The following DPP10 variants were observed in gnomAD, a reference collection of about 807,000 sequenced individuals.
The protein encoded by DPP10 is dipeptidyl peptidase like 10.
In DPP10, 33 loss-of-function variants were observed where a neutral mutation model predicts 120.9. That is an observed-to-expected ratio of 0.27 (90% CI 0.21 to 0.37). The LOEUF (loss-of-function observed/expected upper bound fraction) is 0.37, where lower values mean the gene tolerates loss of function less well. Among genes scored for constraint, DPP10 ranks in the 10% least tolerant of loss-of-function variants. DPP10 has a pLI of 1.00. For synonymous variants in DPP10, 337 were observed against 326.1 expected, an observed-to-expected ratio of 1.03 and a Z score of -0.36; for missense variants, 816 against 942.8, an observed-to-expected ratio of 0.87 and a Z score of 1.76.
intron 1 of DPP10, among the ~76,000 whole-genome samples, chr2:115,195,229 GTGA>G (rs1398904236): frequency 1.3e-5 from 2 of 152,170 alleles, no homozygotes; most frequent in Non-Finnish European, 2.9e-5. Flanking sequence ...TTAAGATCAT[GTGA>G]TCTTTGCCCT....
At chr2:115,438,467 C>G (rs894865616) in intron 3 of DPP10, among the ~76,000 whole-genome samples, 1 of 152,130 alleles carries the variant, frequency 6.6e-6, no homozygotes, top group Admixed American at 6.6e-5. Flanking sequence ...AGTAGCCCCC[C>G]ACTCCCCGAA....
At chr2:115,234,093 C>T (rs1392816655) in intron 1 of DPP10, 1 of 354,886 alleles carries the variant, frequency 2.8e-6, no homozygotes, top group Non-Finnish European at 5.5e-6. Flanking sequence ...GTTGTATTCC[C>T]TCAAATTCAC....
chr2:115,377,688 T>A, intron 3 of DPP10, among the ~76,000 whole-genome samples: 1 of 152,212 alleles, frequency 6.6e-6, no homozygotes, highest in East Asian at 1.9e-4. Context: ...GGTTTTAGGT[T>A]TATCGTTTAA....
chr2:115,766,076 G>A (rs1432427994), intron 12 of DPP10, among the ~76,000 whole-genome samples: 1 of 151,812 alleles, frequency 6.6e-6, no homozygotes, highest in Non-Finnish European at 1.5e-5. Flanking sequence ...TGTTTCAGGT[G>A]CTGCAGATGC....
chr2:114,925,961 G>T (rs1446109757), intron 1 of DPP10, among the ~76,000 whole-genome samples: 2 of 152,110 alleles, frequency 1.3e-5, no homozygotes, highest in South Asian at 2.1e-4. Flanking sequence ...CATGTCCCAG[G>T]TACAGAGATT....
chr2:115,599,536 G>A (rs142559820), intron 5 of DPP10, among the ~76,000 whole-genome samples: 25 of 151,972 alleles, frequency 1.6e-4, no homozygotes, highest in African/African-American at 5.8e-4. Context: ...TATATTGTCT[G>A]TATCTTTGCT....
rs114439417 is a variant in DPP10 at position 114,971,129 on chromosome 2, T to A, written c.61-338110T>A. 3.4e-3 allele frequency among the ~76,000 whole-genome samples: 511 copies of A among 152,260 alleles called. 1 individual carries two copies. Among genetic ancestry groups the A allele is most frequent in the African/African-American group, 0.012 (501 of 41,550 alleles). On this transcript the variant is annotated intron_variant, in intron 1 of 25. Coordinates refer to ENST00000410059, the MANE Select transcript of DPP10 (RefSeq NM_020868.6). Reference sequence around the variant, plus strand: ...TGTGTGTCAGTTGTGACGCCTCATGTTTTACTAGTGTTATCACATTTAGAG... The same window carrying A: ...TGTGTGTCAGTTGTGACGCCTCATGATTTACTAGTGTTATCACATTTAGAG...
chr2:114,832,116 T>A (rs1687188319), intron 1 of DPP10, among the ~76,000 whole-genome samples: 1 of 152,142 alleles, frequency 6.6e-6, no homozygotes, highest in African/African-American at 2.4e-5. Context: ...TATGAAATAC[T>A]CAATGCTCTT....
chr2:115,304,580 G>C (rs1274745951), intron 1 of DPP10, among the ~76,000 whole-genome samples: 1 of 151,896 alleles, frequency 6.6e-6, no homozygotes, highest in African/African-American at 2.4e-5. Context: ...TAAATGTCAT[G>C]CTTTTCAGAC....
In DPP10 at chr2:115,002,592, A is replaced by T. The variant is rs549185586; in HGVS notation, c.61-306647A>T. Among the ~76,000 whole-genome samples, 18 of 152,298 alleles carry T rather than the reference A, an allele frequency of 1.2e-4. No homozygotes were observed. In the East Asian group the frequency reaches 3.1e-3, roughly 26 times the overall value. On this transcript the variant is annotated intron_variant, in intron 1 of 25. Coordinates refer to ENST00000410059, the MANE Select transcript of DPP10 (RefSeq NM_020868.6). ...ATAAACAAACAACCTATACAATGGG[A>T]GAAAATATTTACAAACTATGCATCC...
chr2:114,641,449 C>A (rs1349748694), intron 1 of DPP10, among the ~76,000 whole-genome samples: 1 of 151,916 alleles, frequency 6.6e-6, no homozygotes, highest in Non-Finnish European at 1.5e-5. Context: ...CACCTCCAAA[C>A]GTTATACACT....
intron 1 of DPP10, among the ~76,000 whole-genome samples, chr2:115,167,288 G>A (rs1157513704): frequency 6.6e-6 from 1 of 151,466 alleles, no homozygotes; most frequent in Non-Finnish European, 1.5e-5. Flanking sequence ...TGGGCCTGGT[G>A]CAGTGGCTCC....
chr2:114,960,366 GTATA>G (rs149462158), intron 1 of DPP10, among the ~76,000 whole-genome samples: 5 of 143,814 alleles, frequency 3.5e-5, no homozygotes, highest in African/African-American at 7.7e-5. Flanking sequence ...GTGTATGTGC[GTATA>G]TATATATATA....
chr2:115,689,184 C>G (rs1409885883), intron 5 of DPP10, among the ~76,000 whole-genome samples: 1 of 152,020 alleles, frequency 6.6e-6, no homozygotes, highest in Non-Finnish European at 1.5e-5. Context: ...AATATGAGCT[C>G]CATACGGGGG....
intron 3 of DPP10, among the ~76,000 whole-genome samples, chr2:115,470,870 A>G (rs1574944123): frequency 6.6e-6 from 1 of 152,184 alleles, no homozygotes; most frequent in South Asian, 2.1e-4. Context: ...TCTTCCAGAC[A>G]GTCACCTTTC....
At chr2:114,811,497 C>T (rs1314848375) in intron 1 of DPP10, among the ~76,000 whole-genome samples, 1 of 152,036 alleles carries the variant, frequency 6.6e-6, no homozygotes, top group Non-Finnish European at 1.5e-5. Flanking sequence ...CCACCATCAG[C>T]ATCACCCTCT....
At position 115,286,523 on chromosome 2, in the gene DPP10, TATA is replaced by T. The variant is rs1480384301; in HGVS notation, c.61-22712_61-22710del. 7.1e-3 allele frequency among the ~76,000 whole-genome samples: 310 copies of T among 43,436 alleles called. 28 individuals are homozygous for T. The highest frequency in any genetic ancestry group is 0.018 in the African/African-American group (280 of 15,730). The allele number at this position is 43,436 out of a possible 152,430, so 28.5% of individuals were successfully genotyped here. On this transcript the variant is annotated intron_variant, in intron 1 of 25. Transcript: ENST00000410059. Reference sequence around the variant, plus strand: ...ATATATTACATATATAATATATATATATAATATATATATATATAAAATATATAC... The same window carrying T: ...ATATATTACATATATAATATATATATATATATATATATATAAAATATATAC...
chr2:114,720,171 G>A (rs1219695115), intron 1 of DPP10, among the ~76,000 whole-genome samples: 2 of 152,138 alleles, frequency 1.3e-5, no homozygotes, highest in African/African-American at 4.8e-5. Flanking sequence ...ACAGGAGGTG[G>A]GGAAGATCAG....
At chr2:114,922,818 A>G (rs1188920051) in intron 1 of DPP10, among the ~76,000 whole-genome samples, 1 of 152,160 alleles carries the variant, frequency 6.6e-6, no homozygotes, top group African/African-American at 2.4e-5. Flanking sequence ...GGTTGCTTCT[A>G]CGTTTTGGCT....
Sources: gnomAD v4.1 joint callset for allele counts (sites outside exome capture counted in the v4.1 genomes callset) on GRCh38, gnomAD v4.1.1 for gene constraint, MANE v1.5 for transcripts, NCBI Gene and HGNC (gene_info 2026-07-23, HGNC 2026-07-21) for gene names.